Variants in NPC1L1 observed in about 807,000 individuals in gnomAD.
NPC1L1 encodes NPC1 like intracellular cholesterol transporter 1, also known as NPC1-like intracellular cholesterol transporter 1.
NPC1L1 carries 98 observed loss-of-function variants against 117.0 expected under a neutral mutation model. That is an observed-to-expected ratio of 0.84 (90% CI 0.71 to 0.99). The LOEUF (loss-of-function observed/expected upper bound fraction) is 0.99. Ranked by LOEUF, NPC1L1 falls within the 50% of genes least tolerant of loss-of-function variation. NPC1L1 has a pLI of 0.00. For missense variants in NPC1L1, 1,540 were observed against 1,710.0 expected, an observed-to-expected ratio of 0.90 and a Z score of 1.75; for synonymous variants, 729 against 727.6, an observed-to-expected ratio of 1.00 and a Z score of -0.03.
intron 10 of NPC1L1, among the ~76,000 whole-genome samples, chr7:44,529,605 T>C (rs1448610032): frequency 4.6e-5 from 7 of 151,724 alleles, no homozygotes; most frequent in Non-Finnish European, 8.8e-5. Context: ...CTCAAACTCC[T>C]GACCTCAGGT....
chr7:44,529,849 C>T (rs1266715284), intron 10 of NPC1L1, among the ~76,000 whole-genome samples: 2 of 151,268 alleles, frequency 1.3e-5, no homozygotes, highest in Non-Finnish European at 2.9e-5. Context: ...GCCTGGCCAA[C>T]ATGGCGAAAC....
intron 10 of NPC1L1, among the ~76,000 whole-genome samples, chr7:44,524,692 C>G (rs962445027): frequency 6.6e-6 from 1 of 151,718 alleles, no homozygotes; most frequent in African/African-American, 2.4e-5. Context: ...TGCAGTGACC[C>G]GAGATCACAC....
At chr7:44,513,968 C>T (rs1348712688) in intron 18 of NPC1L1, among the ~76,000 whole-genome samples, 1 of 152,194 alleles carries the variant, frequency 6.6e-6, no homozygotes, top group African/African-American at 2.4e-5. Context: ...CCAGCGCACA[C>T]ACTCTACTCC....
At chr7:44,530,744 A>G (rs1311636425) in intron 10 of NPC1L1, among the ~76,000 whole-genome samples, 1 of 152,120 alleles carries the variant, frequency 6.6e-6, no homozygotes, top group Non-Finnish European at 1.5e-5. Context: ...CATAGCCCCC[A>G]GGGCTTCTGC....
Position 44,516,195 on chromosome 7 carries a change from C to A in NPC1L1, c.3522G>T (p.Ala1174=). 1 of 1,599,706 alleles carries A rather than the reference C, an allele frequency of 6.3e-7. No homozygotes were observed. The highest frequency in any genetic ancestry group is 2.2e-5 in the East Asian group (1 of 44,574). The part of the protein sequence containing the change: ...NAVSLINLVS[A]VGMSVEFVSH... ...ACACAAACTCCACAGACATGCCCAC[C>A]GCCTATGGGCAGAGAGGGGGCATAA... The change falls in exon 17 of 19, where the codon GCG becomes GCT. Residue 1174 remains alanine (A), a splice_region_variant and synonymous_variant. Coordinates refer to ENST00000381160, the MANE Select transcript of NPC1L1 (RefSeq NM_001101648.2).
At position 44,522,252 on chromosome 7, in the gene NPC1L1, G is replaced by C. The variant is rs757909417; in HGVS notation, c.2638-10C>G. ...CAAGCAGGTACGAGTCCTAGGAGTG[G>C]AGGAGGGTCAGTGAGCTTTGGTTCG... On this transcript the variant is annotated splice_polypyrimidine_tract_variant and intron_variant, in intron 10 of 18. Coordinates refer to ENST00000381160, the MANE Select transcript of NPC1L1 (RefSeq NM_001101648.2). 5.6e-6 allele frequency: 9 copies of C among 1,610,694 alleles called. No homozygotes were observed. In the Admixed American group the frequency reaches 1.5e-4, roughly 27 times the overall value.
intron 10 of NPC1L1, among the ~76,000 whole-genome samples, chr7:44,528,590 A>G (rs900153079): frequency 6.6e-6 from 1 of 152,234 alleles, no homozygotes; most frequent in Non-Finnish European, 1.5e-5. Context: ...ACAAAAGAAA[A>G]TGAGAAGGAA....
At chr7:44,521,914 G>T (rs756184543) in intron 11 of NPC1L1, 78 bp from the exon 12 acceptor site, 4 of 1,606,874 alleles carry the variant, frequency 2.5e-6, no homozygotes, top group Middle Eastern at 1.9e-4. Context: ...CAACCCCCAC[G>T]CAGCCCTCCC....
rs781658023 is a variant in NPC1L1, at chr7:44,539,817, A to G, written c.580T>C (p.Ser194Pro). The change falls in exon 2 of 19, where the codon TCT becomes CCT. Residue 194 changes from serine (S) to proline (P), a missense_variant. By Grantham distance (74) the Ser-to-Pro change is moderately conservative. This residue lies in a region of NPC1L1 where 793 missense variants were observed against 820.4 expected (regional missense o/e 0.97). Transcript: ENST00000381160. The surrounding 1 kb of genome is among the most constrained non-coding windows in gnomAD (Gnocchi z 4.4). ...AVGTMCGVYG[S>P]ALCNAQRWLN... ...CAGCGCTGGGCATTGCAAAGGGCAG[A>G]GCCATACACGCCACACATGGTGCCC... is the stretch of plus-strand genomic sequence containing the variant. The G allele has an allele frequency of 8.1e-6, 13 of 1,614,018 alleles. No individual in the cohort carries two copies. Among genetic ancestry groups the G allele is most frequent in the African/African-American group, 1.3e-5 (1 of 74,920 alleles).
Position 44,517,200 on chromosome 7 carries a change from T to A in NPC1L1, c.3287+7A>T. The A allele has an allele frequency of 6.2e-7, 1 of 1,614,044 alleles. No homozygotes were observed. The highest frequency in any genetic ancestry group is 8.5e-7 in the Non-Finnish European group (1 of 1,179,974). ...CCTCCCTCCAGCCCAGCCACTCAGG[T>A]CCTCACGTGTAGGGGAAGACCTCAA... is the stretch of plus-strand genomic sequence containing the variant. On this transcript the variant is annotated splice_region_variant and intron_variant, in intron 15 of 18. Transcript: ENST00000381160.
At chr7:44,521,680 T>TGGA (rs747881378) in intron 12 of NPC1L1, 32 bp downstream of exon 12, 2 of 1,613,790 alleles carry the variant, frequency 1.2e-6, no homozygotes, top group Non-Finnish European at 1.7e-6. Context: ...CGAGCTGTGG[T>TGGA]GGACAGTGAG....
intron 10 of NPC1L1, among the ~76,000 whole-genome samples, chr7:44,525,685 C>T (rs1157254494): frequency 6.6e-6 from 1 of 150,866 alleles, no homozygotes; most frequent in Admixed American, 6.6e-5. Context: ...CCATTCTAGG[C>T]AACATAGCAA....
intron 14 of NPC1L1, among the ~76,000 whole-genome samples, chr7:44,519,760 T>C (rs538597495): frequency 3.3e-4 from 50 of 152,142 alleles, no homozygotes; most frequent in African/African-American, 1.2e-3. Context: ...CAGCATGTTG[T>C]GGGTCCTTTT....
rs866621581 is a variant in NPC1L1, at chr7:44,538,530, C to T, written c.1580+287G>A. On this transcript the variant is annotated intron_variant, in intron 2 of 18. Coordinates refer to ENST00000381160, the MANE Select transcript of NPC1L1 (RefSeq NM_001101648.2). This position sits in a 1 kb window ranked among gnomAD's most constrained non-coding sequence, Gnocchi z 5.9. ...CTTAAAGCAAGAGTGTGGCAGGGAG[C>T]TCCCACATGTCAAGAAATCTGCAGA... Among the ~76,000 whole-genome samples the T allele has an allele frequency of 6.6e-6, 1 of 152,220 alleles. No homozygotes were observed. Among genetic ancestry groups the T allele is most frequent in the African/African-American group, 2.4e-5 (1 of 41,452 alleles).
Position 44,534,468 on chromosome 7 carries a change from G to A in NPC1L1, c.2145C>T (p.Phe715=). The A allele has an allele frequency of 6.2e-7, 1 of 1,614,154 alleles. No homozygotes were observed. The highest frequency in any genetic ancestry group is 8.5e-7 in the Non-Finnish European group (1 of 1,180,010). ...LVLSVGADNI[F]IFVLEYQRLP... is the part of the protein sequence containing the mutation. ...TTACCTGGTACTCGAGAACAAAGAT[G>A]AAGATGTTATCAGCCCCCACGGACA... The change falls in exon 6 of 19, where the codon TTC becomes TTT. Residue 715 remains phenylalanine (F), a synonymous_variant. Transcript: ENST00000381160. The surrounding 1 kb of genome is among the most constrained non-coding windows in gnomAD (Gnocchi z 5.2).
intron 10 of NPC1L1, among the ~76,000 whole-genome samples, chr7:44,523,635 C>T (rs1160083098): frequency 6.6e-6 from 1 of 152,054 alleles, no homozygotes; most frequent in East Asian, 1.9e-4. Context: ...GGAGGGCAAG[C>T]AGGAGGGTCA....
At chr7:44,519,001 TTCTC>T (rs996275961) in intron 14 of NPC1L1, among the ~76,000 whole-genome samples, 18 of 151,206 alleles carry the variant, frequency 1.2e-4, no homozygotes, top group Non-Finnish European at 2.1e-4. Flanking sequence ...TTCTCTCTCT[TTCTC>T]TCTCTCTCTT....
chr7:44,531,274 G>A (rs981401564), intron 10 of NPC1L1, among the ~76,000 whole-genome samples: 1 of 152,124 alleles, frequency 6.6e-6, no homozygotes, highest in African/African-American at 2.4e-5. Context: ...CCCCACAGTC[G>A]CTGCCACGCC....
At position 44,534,721 on chromosome 7, in the gene NPC1L1, G is replaced by A; in HGVS notation, c.1984-92C>T. The A allele has an allele frequency of 1.4e-6, 2 of 1,419,780 alleles. No homozygotes were observed. The highest frequency in any genetic ancestry group is 1.2e-5 in the South Asian group (1 of 85,366). 87.9% of individuals were successfully genotyped at this position (1,419,780 alleles called of 1,614,324 possible). A position where few individuals can be genotyped will look rare whatever the true frequency, so the allele number is the denominator to read the frequency against. Reference sequence around the variant, plus strand: ...CTAGGCCAGACAAAGTAGCCGGCAGGCACCCTCAGTGCCTGCAGGTGCCCG... The same window carrying A: ...CTAGGCCAGACAAAGTAGCCGGCAGACACCCTCAGTGCCTGCAGGTGCCCG... On this transcript the variant is annotated intron_variant, in intron 5 of 18. Transcript: ENST00000381160. This position sits in a 1 kb window ranked among gnomAD's most constrained non-coding sequence, Gnocchi z 5.2.
Sources: allele counts gnomAD v4.1 joint callset (sites outside exome capture counted in the v4.1 genomes callset), GRCh38; gene constraint gnomAD v4.1.1; regional missense constraint gnomAD v4.1.1; non-coding constraint Gnocchi (gnomAD v3.1); transcripts MANE v1.5; gene names NCBI Gene and HGNC (gene_info 2026-07-23, HGNC 2026-07-21).